SMARCA5: variants seen among roughly 807,000 people sequenced by gnomAD.
The protein encoded by SMARCA5 is SWI/SNF-related matrix-associated actin-dependent regulator of chromatin subfamily A member 5.
A neutral mutation model predicts 140.4 loss-of-function variants in SMARCA5; 18 were observed. The observed-to-expected ratio is 0.13, with a 90% CI of 0.09 to 0.19. The LOEUF is 0.19. Among genes scored for constraint, SMARCA5 ranks in the 10% least tolerant of loss-of-function variants. The pLI is 1.00. For missense variants in SMARCA5, 606 were observed against 1,276.8 expected (o/e 0.47, Z 8.01); for synonymous variants, 449 against 419.6 (o/e 1.07, Z -0.86).
chr4:143,517,881 T>C (rs1325250019), intron 2 of SMARCA5, among the ~76,000 whole-genome samples: 1 of 152,212 alleles, frequency 6.6e-6, no homozygotes, highest in African/African-American at 2.4e-5. Flanking sequence ...GGCACAGATA[T>C]CCATTTGAAA....
Position 143,547,469 on chromosome 4 carries a change from G to A in SMARCA5, c.2738G>A (p.Arg913Lys). Reference protein sequence around the residue: ...QIERGEARIQRRISIKKALDT... With the variant: ...QIERGEARIQKRISIKKALDT... ...GAAAGGGGAGAGGCGAGAATTCAAA[G>A]AAGAATAAGCATCAAGAAAGCACTT... Residue 913 changes from arginine (R) to lysine (K), a missense_variant, in exon 21 of 24, where the codon AGA (arginine) becomes AAA (lysine). Around this residue, in one of 10 missense-constraint regions of SMARCA5, gnomAD observed 121 missense variants for 227.1 expected, o/e 0.53. Coordinates refer to ENST00000283131, the MANE Select transcript of SMARCA5 (RefSeq NM_003601.4). The A allele has an allele frequency of 2.5e-6, 4 of 1,606,626 alleles. No homozygotes were observed. The highest frequency in any genetic ancestry group is 3.4e-6 in the Non-Finnish European group (4 of 1,173,602).
chr4:143,524,463 A>G lies in SMARCA5; in HGVS notation c.516A>G (p.Pro172=), dbSNP rs1737027096. ...TTTGCACTCGATTTGAAGACTCTCC[A>G]TCGTGTATGTTAAACACACTTGATT... ...TNVCTRFEDS[P]SYVKWGKLRD... The change falls in exon 4 of 24, where the codon CCA becomes CCG. Residue 172 remains proline, a synonymous_variant. Transcript: ENST00000283131. 3 of 1,602,016 alleles carry G rather than the reference A, an allele frequency of 1.9e-6. No individual in the cohort carries two copies. The highest frequency in any genetic ancestry group is 1.3e-5 in the African/African-American group (1 of 74,572).
chr4:143,546,476 C>T (rs1737528585), intron 19 of SMARCA5, among the ~76,000 whole-genome samples: 1 of 151,940 alleles, frequency 6.6e-6, no homozygotes, highest in South Asian at 2.1e-4. Context: ...ATATTTTTGC[C>T]CTTTATGTTA....
rs1285303814 is a variant in SMARCA5 at position 143,513,948 on chromosome 4, G to T, written c.24G>T (p.Pro8=). 1.3e-6 allele frequency: 2 copies of T among 1,548,322 alleles called. No individual in the cohort carries two copies. MSSAAEP[P]PPPPPESAPS... Reference sequence around the variant, plus strand: ...TCATGTCGTCCGCGGCCGAGCCTCCGCCACCCCCGCCTCCCGAGAGCGCGC... The same window carrying T: ...TCATGTCGTCCGCGGCCGAGCCTCCTCCACCCCCGCCTCCCGAGAGCGCGC... Residue 8 remains proline (P), a synonymous_variant, in exon 1 of 24, where the codon CCG becomes CCT. Coordinates refer to ENST00000283131, the MANE Select transcript of SMARCA5 (RefSeq NM_003601.4).
At chr4:143,528,132 G>A (rs943844145) in intron 7 of SMARCA5, 109 bp downstream of exon 7, 2 of 839,412 alleles carry the variant, frequency 2.4e-6, no homozygotes, top group Admixed American at 3.4e-5. Flanking sequence ...GAACGTGCAG[G>A]TTTGTTAACA....
At chr4:143,537,637 G>A (rs1308460149) in intron 11 of SMARCA5, among the ~76,000 whole-genome samples, 1 of 152,070 alleles carries the variant, frequency 6.6e-6, no homozygotes, top group Non-Finnish European at 1.5e-5. Context: ...AGGGAAAATG[G>A]AGACTATTAA....
chr4:143,555,466 A>G lies in SMARCA5; in HGVS notation c.*2282A>G, dbSNP rs902350775. 1.9e-6 allele frequency: 1 copy of G among 530,338 alleles called. No individual in the cohort carries two copies. Among genetic ancestry groups the G allele is most frequent in the Non-Finnish European group, 3.5e-6 (1 of 287,188 alleles). The allele number at this position is 530,338 out of a possible 1,614,324, so 32.9% of individuals were successfully genotyped here. A position where few individuals can be genotyped will look rare whatever the true frequency, so the allele number is the denominator to read the frequency against. The stretch of plus-strand genomic sequence containing the variant: ...TAATAGTTTCTGTTCTGTGGAAAGT[A>G]AAGCATTCCAACACAGGGTTTCAGT... On this transcript the variant is annotated 3_prime_UTR_variant, in exon 24 of 24. Transcript: ENST00000283131.
chr4:143,516,295 A>G (rs865848331), intron 1 of SMARCA5, among the ~76,000 whole-genome samples: 30 of 141,796 alleles, frequency 2.1e-4, no homozygotes, highest in Non-Finnish European at 3.9e-4. Context: ...TTTTTGCTTG[A>G]TACTAATAGG....
intron 9 of SMARCA5, among the ~76,000 whole-genome samples, chr4:143,531,111 C>T (rs774722206): frequency 8.5e-5 from 13 of 152,202 alleles, no homozygotes; most frequent in Non-Finnish European, 1.2e-4. Context: ...TGAGCCACCA[C>T]GCCCGGCCTT....
intron 6 of SMARCA5, 23 bp downstream of exon 6, chr4:143,526,483 C>T (rs778877587): frequency 6.6e-7 from 1 of 1,513,066 alleles, no homozygotes; most frequent in South Asian, 1.1e-5. Context: ...TATTTCATTA[C>T]ATTTTTGAGG....
intron 8 of SMARCA5, 47 bp from the exon 9 acceptor site, chr4:143,530,411 G>T: frequency 1.6e-6 from 2 of 1,253,740 alleles, no homozygotes; most frequent in Non-Finnish European, 2.3e-6. Flanking sequence ...TAGGGTATTT[G>T]TTAATATTAT....
intron 5 of SMARCA5, among the ~76,000 whole-genome samples, chr4:143,526,005 CAAAAG>C (rs1453188246): frequency 6.6e-6 from 1 of 152,138 alleles, no homozygotes; most frequent in Non-Finnish European, 1.5e-5. Context: ...AGTATGAAGT[CAAAAG>C]AAATGTGTTT....
rs1737689274 is a variant in SMARCA5, at chr4:143,553,638, T to C, written c.*454T>C. 6.4e-6 allele frequency: 1 copy of C among 155,620 alleles called. No individual in the cohort carries two copies. The highest frequency in any genetic ancestry group is 2.4e-5 in the African/African-American group (1 of 41,482). The allele number at this position is 155,620 out of a possible 1,614,324, so 9.6% of individuals were successfully genotyped here. A position where few individuals can be genotyped will look rare whatever the true frequency, so the allele number is the denominator to read the frequency against. ...GTATTTTCTTTGTAGTGCTATTGAG[T>C]CTCATCTGGAAAGATTATATAAATT... On this transcript the variant is annotated 3_prime_UTR_variant, in exon 24 of 24. Transcript: ENST00000283131.
At chr4:143,522,916 T>A (rs1170960423) in intron 3 of SMARCA5, among the ~76,000 whole-genome samples, 2 of 152,238 alleles carry the variant, frequency 1.3e-5, no homozygotes, top group Non-Finnish European at 2.9e-5. Flanking sequence ...AAAAAAGTCC[T>A]AGTTAACAGA....
chr4:143,539,344 A>ATAACTATATATAAC (rs1178801094), intron 13 of SMARCA5, among the ~76,000 whole-genome samples: 4 of 152,168 alleles, frequency 2.6e-5, no homozygotes, highest in African/African-American at 9.7e-5. Context: ...ATATCACAGG[A>ATAACTATATATAAC]CCAAAGAGAA....
At chr4:143,532,556 A>G (rs1203671001) in intron 9 of SMARCA5, among the ~76,000 whole-genome samples, 1 of 152,232 alleles carries the variant, frequency 6.6e-6, no homozygotes, top group Non-Finnish European at 1.5e-5. Context: ...AAGTTTCTAC[A>G]GTAGCACCTG....
intron 2 of SMARCA5, 63 bp downstream of exon 2, chr4:143,517,492 C>A: frequency 1.1e-6 from 1 of 944,852 alleles, no homozygotes; most frequent in Non-Finnish European, 1.6e-6. Context: ...ATTAAATGTA[C>A]TAAACATCTA....
rs570272612 is a variant in SMARCA5 at position 143,555,197 on chromosome 4, C to T, written c.*2013C>T. ...TCGTGGTTTGGCAAAGTATTGGCCTCTACCACCATAGGGCCCAGAGCTTCT... is the reference window on the plus strand; with the variant it reads ...TCGTGGTTTGGCAAAGTATTGGCCTTTACCACCATAGGGCCCAGAGCTTCT... On this transcript the variant is annotated 3_prime_UTR_variant, in exon 24 of 24. Transcript: ENST00000283131. 663 of 753,118 alleles carry T rather than the reference C, an allele frequency of 8.8e-4. 3 individuals are homozygous for T. The East Asian group carries it at 0.013, about 15-fold the overall frequency. 46.7% of individuals were successfully genotyped at this position (753,118 alleles called of 1,614,324 possible). A position where few individuals can be genotyped will look rare whatever the true frequency, so the allele number is the denominator to read the frequency against.
chr4:143,524,328 CA>C (rs1737024396), intron 3 of SMARCA5, 38 bp from the exon 4 acceptor site: 1 of 1,441,932 alleles, frequency 6.9e-7, no homozygotes, highest in East Asian at 2.3e-5. Flanking sequence ...TAATTAAAGC[CA>C]AAACTCAAAT....
Sources: allele counts gnomAD v4.1 joint callset (sites outside exome capture counted in the v4.1 genomes callset), GRCh38; gene constraint gnomAD v4.1.1; regional missense constraint gnomAD v4.1.1; transcripts MANE v1.5; gene names NCBI Gene and HGNC (gene_info 2026-07-23, HGNC 2026-07-21).